The following ZNF668 variants were observed in gnomAD, a reference collection of about 807,000 sequenced individuals.
ZNF668 encodes the protein zinc finger protein 668.
In ZNF668, 10 loss-of-function variants were observed where a neutral mutation model predicts 40.3. The ratio of observed to expected loss-of-function variants is 0.25; its 90% confidence interval spans 0.15 to 0.42. The LOEUF is 0.42. Among genes scored for constraint, ZNF668 ranks in the 10% least tolerant of loss-of-function variants. The probability of loss-of-function intolerance (pLI) is 1.00; values close to 1 mark genes in which losing one functional copy is unlikely to be tolerated. For synonymous variants in ZNF668, 428 were observed against 384.6 expected (o/e 1.11, Z -1.32); for missense variants, 749 against 904.6 (o/e 0.83, Z 2.21).
intron 1 of ZNF668, among the ~76,000 whole-genome samples, chr16:31,068,509 A>T (rs1161880739): frequency 7.2e-6 from 1 of 139,830 alleles, no homozygotes; most frequent in Non-Finnish European, 1.5e-5. Flanking sequence ...GGCGAGAGCC[A>T]CCACGCCCAG....
chr16:31,065,144 G>GTGAT (rs2056971963), intron 1 of ZNF668: 1 of 1,000,388 alleles, frequency 1.0e-6, no homozygotes, highest in Non-Finnish European at 1.2e-6. Flanking sequence ...TGGTAATGGA[G>GTGAT]AATCACTCAA....
chr16:31,071,193 GAA>G (rs2057014143), intron 1 of ZNF668, among the ~76,000 whole-genome samples: 1 of 151,378 alleles, frequency 6.6e-6, no homozygotes, highest in Non-Finnish European at 1.5e-5. Context: ...TTCTTTGAGA[GAA>G]AGTCTTTGTT....
chr16:31,069,864 T>A (rs1265783182), intron 1 of ZNF668, among the ~76,000 whole-genome samples: 1 of 116,522 alleles, frequency 8.6e-6, no homozygotes, highest in Non-Finnish European at 1.7e-5. Flanking sequence ...AAGCTCCGCC[T>A]CCCGGGTTCA....
At position 31,061,923 on chromosome 16, in the gene ZNF668, C is replaced by A. The variant is rs34831291; in HGVS notation, c.1005G>T (p.Pro335=). The A allele has an allele frequency of 1.6e-3, 2,552 of 1,613,422 alleles. 33 individuals carry two copies. The African/African-American group carries it at 0.031, about 20-fold the overall frequency. The change falls in exon 3 of 3, where the codon CCG becomes CCT. Residue 335 remains proline (P), a synonymous_variant. Transcript: ENST00000300849. The surrounding 1 kb of genome is among the most constrained non-coding windows in gnomAD (Gnocchi z 7.7). The part of the protein sequence containing the change: ...MHRRVHTGDR[P]FKCLQCDKTF... ...TCTTGTCACATTGCAGGCACTTGAA[C>A]GGCCGGTCGCCTGTGTGCACACGCC...
At chr16:31,065,191 TTC>T (rs1332795957) in intron 1 of ZNF668, 3 of 949,660 alleles carry the variant, frequency 3.2e-6, no homozygotes, top group Non-Finnish European at 3.8e-6. Context: ...GGAAGCCTCT[TTC>T]TGAGTCATAA....
In ZNF668 at chr16:31,074,124, C is replaced by G. The variant is rs534811497; in HGVS notation, c.-488G>C. The stretch of plus-strand genomic sequence containing the variant: ...CCTTGGGAAAAGTCCTCCAGAGAGC[C>G]CCACGAAAAGTGTCACCAAAGTACT... On this transcript the variant is annotated 5_prime_UTR_variant, in exon 1 of 3. Coordinates refer to ENST00000300849, the MANE Select transcript of ZNF668 (RefSeq NM_024706.5). 6.6e-6 allele frequency: 1 copy of G among 152,222 alleles called. No homozygotes were observed. Among genetic ancestry groups the G allele is most frequent in the Non-Finnish European group, 1.5e-5 (1 of 68,052 alleles). 9.4% of individuals were successfully genotyped at this position (152,222 alleles called of 1,614,324 possible). A position where few individuals can be genotyped will look rare whatever the true frequency, so the allele number is the denominator to read the frequency against.
chr16:31,072,529 G>T lies in ZNF668; in HGVS notation c.-23+1130C>A, dbSNP rs1345977927. Among the ~76,000 whole-genome samples the T allele has an allele frequency of 2.6e-5, 4 of 152,252 alleles. No homozygotes were observed. In the East Asian group the frequency reaches 7.7e-4, roughly 29 times the overall value. On this transcript the variant is annotated intron_variant, in intron 1 of 2. Transcript: ENST00000300849. Reference sequence around the variant, plus strand: ...TCTGCTGTCTCACTAGGCAAGCAAAGATTCAATTTCCAAAAATCCTAGGCT... The same window carrying T: ...TCTGCTGTCTCACTAGGCAAGCAAATATTCAATTTCCAAAAATCCTAGGCT...
chr16:31,061,034 G>A lies in ZNF668; in HGVS notation c.*34C>T. 2 of 1,444,394 alleles carry A rather than the reference G, an allele frequency of 1.4e-6. No individual in the cohort carries two copies. The highest frequency in any genetic ancestry group is 3.3e-5 in the South Asian group (2 of 60,520). The allele number at this position is 1,444,394 out of a possible 1,614,324, so 89.5% of individuals were successfully genotyped here. Reference sequence around the variant, plus strand: ...ACAGGAAGCCCCCGATGGGGGCTGGGCTCCCGGAGTGTGGTGCTGGGGGGT... The same window carrying A: ...ACAGGAAGCCCCCGATGGGGGCTGGACTCCCGGAGTGTGGTGCTGGGGGGT... On this transcript the variant is annotated 3_prime_UTR_variant, in exon 3 of 3. Coordinates refer to ENST00000300849, the MANE Select transcript of ZNF668 (RefSeq NM_024706.5). The surrounding 1 kb of genome is among the most constrained non-coding windows in gnomAD (Gnocchi z 7.7).
In ZNF668 at chr16:31,063,861, C is replaced by T. The variant is rs750267911; in HGVS notation, c.599G>A (p.Arg200His). Residue 200 changes from arginine to histidine, a missense_variant, in exon 2 of 3, where the codon CGT (arginine) becomes CAT (histidine). Arg to His is a conservative substitution (Grantham distance 29). This residue lies in a region of ZNF668 where 151 missense variants were observed against 178.6 expected (regional missense o/e 0.85). Transcript: ENST00000300849. ...HAGLRPYSCE[R>H]CGKAYAELKD... ...GAGCTCCGCATAGGCTTTGCCGCAACGCTCACAGCTGTAGGGCCGCAGGCC... is the reference window on the plus strand; with the variant it reads ...GAGCTCCGCATAGGCTTTGCCGCAATGCTCACAGCTGTAGGGCCGCAGGCC... 6.3e-7 allele frequency: 1 copy of T among 1,591,410 alleles called. No individual in the cohort carries two copies. The highest frequency in any genetic ancestry group is 1.1e-5 in the South Asian group (1 of 88,686).
intron 1 of ZNF668, among the ~76,000 whole-genome samples, chr16:31,072,019 C>T (rs1262052817): frequency 1.3e-5 from 2 of 152,078 alleles, no homozygotes; most frequent in East Asian, 1.9e-4. Context: ...AGGGTATGGC[C>T]CTGGTCCAGT....
Position 31,064,843 on chromosome 16 carries a change from A to G in ZNF668, c.-22-362T>C, listed in dbSNP as rs558156653. On this transcript the variant is annotated intron_variant, in intron 1 of 2. Coordinates refer to ENST00000300849, the MANE Select transcript of ZNF668 (RefSeq NM_024706.5). ...CAGTGTCCAAGAACTATGCCAGGAT[A>G]AAGAGTGTACCCAGACGTGGGCCTG... is the stretch of plus-strand genomic sequence containing the variant. The G allele has an allele frequency of 3.2e-5, 46 of 1,444,644 alleles. No homozygotes were observed. The African/African-American group carries it at 6.3e-4, about 20-fold the overall frequency. The allele number at this position is 1,444,644 out of a possible 1,614,324, so 89.5% of individuals were successfully genotyped here. A position where few individuals can be genotyped will look rare whatever the true frequency, so the allele number is the denominator to read the frequency against.
intron 1 of ZNF668, among the ~76,000 whole-genome samples, chr16:31,066,612 T>C (rs1258069446): frequency 6.6e-6 from 1 of 152,114 alleles, no homozygotes; most frequent in Non-Finnish European, 1.5e-5. Context: ...ACTGCCTACT[T>C]GAGAGGCTGG....
chr16:31,061,295 G>A lies in ZNF668; in HGVS notation c.1633C>T (p.Pro545Ser), dbSNP rs373478949. 29 of 1,571,536 alleles carry A rather than the reference G, an allele frequency of 1.8e-5. No homozygotes were observed. Among genetic ancestry groups the A allele is most frequent in the Non-Finnish European group, 2.5e-5 (29 of 1,158,100 alleles). ...AAGCTCTTGCCGCACTGGGTGCAGG[G>A]GAAGGGCCGGAGCTCCGGGTGTGAG... The part of the protein sequence containing the change: ...ERSHPELRPF[P>S]CTQCGKSFSD... Residue 545 changes from proline (P) to serine (S), a missense_variant, in exon 3 of 3, where the codon CCC becomes TCC. Transcript: ENST00000300849. This position sits in a 1 kb window ranked among gnomAD's most constrained non-coding sequence, Gnocchi z 7.7.
At chr16:31,069,268 T>TACACACACACACACACACACAC (rs55722354) in intron 1 of ZNF668, 3 of 141,690 alleles carry the variant, frequency 2.1e-5, no homozygotes, top group Admixed American at 7.1e-5. Flanking sequence ...CTACTAAAAA[T>TACACACACACACACACACACAC]ACACACACAC....
At position 31,063,992 on chromosome 16, in the gene ZNF668, C is replaced by A. The variant is rs1175023570; in HGVS notation, c.468G>T (p.Lys156Asn). 1 of 1,610,612 alleles carries A rather than the reference C, an allele frequency of 6.2e-7. No homozygotes were observed. Among genetic ancestry groups the A allele is most frequent in the African/African-American group, 1.3e-5 (1 of 75,022 alleles). ...PKAYGALSKL[K>N]IHQRGHTGER... ...CGCCTGTGTGGCCACGCTGGTGGATCTTGAGCTTGGAGAGCGCGCCATAGG... is the reference window on the plus strand; with the variant it reads ...CGCCTGTGTGGCCACGCTGGTGGATATTGAGCTTGGAGAGCGCGCCATAGG... The change falls in exon 2 of 3, where the codon AAG becomes AAT. Residue 156 changes from lysine (K) to asparagine (N), a missense_variant. Physicochemically the swap from Lys to Asn is moderately conservative, Grantham distance 94 (BLOSUM62 0). This residue lies in a region of ZNF668 where 151 missense variants were observed against 178.6 expected (regional missense o/e 0.85). Transcript: ENST00000300849.
Position 31,064,495 on chromosome 16 carries a change from A to C in ZNF668, c.-22-14T>G. The C allele has an allele frequency of 1.1e-5, 18 of 1,602,922 alleles. No homozygotes were observed. The highest frequency in any genetic ancestry group is 1.5e-5 in the Non-Finnish European group (18 of 1,179,856). Reference sequence around the variant, plus strand: ...AACGGGGTTTCTCTGCAAGAGAAGCAAAGTTAGACCAAAGCCACATACCTT... The same window carrying C: ...AACGGGGTTTCTCTGCAAGAGAAGCCAAGTTAGACCAAAGCCACATACCTT... On this transcript the variant is annotated splice_polypyrimidine_tract_variant and intron_variant, in intron 1 of 2. Transcript: ENST00000300849.
Position 31,062,018 on chromosome 16 carries a change from C to G in ZNF668, c.910G>C (p.Gly304Arg), listed in dbSNP as rs1460368138. ...TTCTCGCAGTGGTATGGCTTCACCC[C>G]TTCATGGGCGCGCTGGTGGCGACGG... Reference protein sequence around the residue: ...SFRRHQRAHEGVKPYHCEKCG... With the variant: ...SFRRHQRAHERVKPYHCEKCG... Residue 304 changes from glycine to arginine, a missense_variant, in exon 3 of 3, where the codon GGG becomes CGG. By Grantham distance (125) the Gly-to-Arg change is moderately radical. Coordinates refer to ENST00000300849, the MANE Select transcript of ZNF668 (RefSeq NM_024706.5). 1 of 1,613,738 alleles carries G rather than the reference C, an allele frequency of 6.2e-7. No homozygotes were observed.
At chr16:31,064,663 T>C (rs2056968548) in intron 1 of ZNF668, 182 bp from the exon 2 acceptor site, 8 of 1,536,210 alleles carry the variant, frequency 5.2e-6, no homozygotes, top group Non-Finnish European at 7.0e-6. Flanking sequence ...AGAAAGGAGT[T>C]GGACCAAGTG....
intron 1 of ZNF668, among the ~76,000 whole-genome samples, chr16:31,068,230 A>AAAAAAAAAAAAC (rs2056990974): frequency 1.1e-5 from 1 of 91,896 alleles, no homozygotes; most frequent in Admixed American, 1.2e-4. Flanking sequence ...TAAAAAAAAA[A>AAAAAAAAAAAAC]AAAAAAAAAA....
Sources: allele counts gnomAD v4.1 joint callset (sites outside exome capture counted in the v4.1 genomes callset), GRCh38; gene constraint gnomAD v4.1.1; regional missense constraint gnomAD v4.1.1; non-coding constraint Gnocchi (gnomAD v3.1); transcripts MANE v1.5; gene names NCBI Gene and HGNC (gene_info 2026-07-23, HGNC 2026-07-21).